Variants in PRKD1 observed in about 807,000 individuals in gnomAD.
The protein encoded by PRKD1 is protein kinase D1, also known as serine/threonine-protein kinase D1.
In PRKD1, 63 loss-of-function variants were observed where a neutral mutation model predicts 95.9. That is an observed-to-expected ratio of 0.66 (90% CI 0.54 to 0.81). PRKD1 has a LOEUF of 0.81. Ranked by LOEUF, PRKD1 falls within the 30% of genes least tolerant of loss-of-function variation. The pLI, the probability that PRKD1 is intolerant of heterozygous loss-of-function variation, is 0.00. For synonymous variants in PRKD1, 425 were observed against 423.1 expected (o/e 1.00, Z -0.05); for missense variants, 1,048 against 1,165.3 (o/e 0.90, Z 1.47).
intron 1 of PRKD1, among the ~76,000 whole-genome samples, chr14:29,808,619 C>T (rs1240816832): frequency 5.9e-5 from 9 of 151,708 alleles, no homozygotes; most frequent in Non-Finnish European, 1.0e-4. Flanking sequence ...AGGCTGATCT[C>T]GAACTCCTGA....
chr14:29,705,498 C>T (rs946427487), intron 2 of PRKD1, among the ~76,000 whole-genome samples: 4 of 151,400 alleles, frequency 2.6e-5, no homozygotes, highest in African/African-American at 9.7e-5. Flanking sequence ...ACATCCTATA[C>T]AATTAACCCA....
At chr14:29,591,397 A>T (rs564702933) in intron 16 of PRKD1, 1 of 152,292 alleles carries the variant, frequency 6.6e-6, no homozygotes, top group East Asian at 1.9e-4. Flanking sequence ...CAGAAACTGA[A>T]TTCAAAATTG....
At position 29,674,073 on chromosome 14, in the gene PRKD1, A is replaced by T. The variant is rs1883017812; in HGVS notation, c.404-7865T>A. 2.0e-5 allele frequency among the ~76,000 whole-genome samples: 3 copies of T among 152,190 alleles called. No individual in the cohort carries two copies. In the South Asian group the frequency reaches 6.2e-4, roughly 32 times the overall value. On this transcript the variant is annotated intron_variant, in intron 2 of 17. Transcript: ENST00000331968. ...CATACCGGTGGGAGCTGTCACAAAA[A>T]GTTTTTAGCACAAGGATGAAGTGTA...
chr14:29,640,393 T>C (rs985617405), intron 4 of PRKD1, among the ~76,000 whole-genome samples: 3 of 152,200 alleles, frequency 2.0e-5, no homozygotes, highest in Non-Finnish European at 4.4e-5. Flanking sequence ...AAGTGAAAAC[T>C]ATTATTTCCA....
At chr14:29,656,341 T>G in intron 4 of PRKD1, 1 of 978,042 alleles carries the variant, frequency 1.0e-6, no homozygotes, top group South Asian at 1.6e-5. Flanking sequence ...GGTCAATGTG[T>G]TGAATTTTGA....
intron 2 of PRKD1, among the ~76,000 whole-genome samples, chr14:29,678,848 A>G (rs1883375947): frequency 1.3e-5 from 2 of 152,250 alleles, no homozygotes; most frequent in South Asian, 4.1e-4. Flanking sequence ...ATTAGCACAC[A>G]TTTAACATGA....
At chr14:29,738,434 G>T (rs1052811365) in intron 1 of PRKD1, among the ~76,000 whole-genome samples, 1 of 152,168 alleles carries the variant, frequency 6.6e-6, no homozygotes, top group African/African-American at 2.4e-5. Flanking sequence ...CACCATCGAA[G>T]ATAGGGCTTT....
intron 2 of PRKD1, among the ~76,000 whole-genome samples, chr14:29,696,435 G>C (rs1165001584): frequency 2.0e-5 from 3 of 152,116 alleles, no homozygotes; most frequent in Non-Finnish European, 4.4e-5. Flanking sequence ...TTACAGACTA[G>C]AGCTGATTCC....
At chr14:29,826,836 TA>T (rs1891201620) in intron 1 of PRKD1, among the ~76,000 whole-genome samples, 1 of 22,622 alleles carries the variant, frequency 4.4e-5, no homozygotes, top group African/African-American at 1.6e-4. Context: ...TATATATATA[TA>T]TACACACATA....
chr14:29,616,327 T>C (rs1431276692), intron 13 of PRKD1, among the ~76,000 whole-genome samples: 1 of 149,060 alleles, frequency 6.7e-6, no homozygotes, highest in East Asian at 2.0e-4. Flanking sequence ...AGAGGGAAAT[T>C]TATAAACAAG....
At chr14:29,633,001 A>C in intron 8 of PRKD1, 55 bp from the exon 9 acceptor site, 2 of 1,457,576 alleles carry the variant, frequency 1.4e-6, no homozygotes, top group Non-Finnish European at 1.9e-6. Context: ...AATATCCCCA[A>C]TTGAAAACAT....
intron 10 of PRKD1, 129 bp downstream of exon 10, chr14:29,630,613 A>T (rs2139111022): frequency 8.3e-7 from 1 of 1,202,146 alleles, no homozygotes; most frequent in Non-Finnish European, 1.2e-6. Context: ...CCTACATTCT[A>T]CAATAAACTA....
intron 1 of PRKD1, among the ~76,000 whole-genome samples, chr14:29,925,600 G>A (rs1420877454): frequency 6.6e-6 from 1 of 152,024 alleles, no homozygotes; most frequent in Non-Finnish European, 1.5e-5. Flanking sequence ...CAAACCTCTT[G>A]AACTAGGCAT....
At chr14:29,785,696 T>C (rs1193591208) in intron 1 of PRKD1, among the ~76,000 whole-genome samples, 2 of 151,494 alleles carry the variant, frequency 1.3e-5, no homozygotes, top group African/African-American at 4.9e-5. Flanking sequence ...GGGGGAGGGA[T>C]AGCTTTAGGA....
At chr14:29,728,658 T>C (rs1037032106) in intron 1 of PRKD1, among the ~76,000 whole-genome samples, 1 of 152,210 alleles carries the variant, frequency 6.6e-6, no homozygotes, top group Non-Finnish European at 1.5e-5. Context: ...CTAGCATAAT[T>C]GTTTATCAGT....
At chr14:29,603,814 C>T (rs1217677721) in intron 13 of PRKD1, among the ~76,000 whole-genome samples, 1 of 152,122 alleles carries the variant, frequency 6.6e-6, no homozygotes, top group African/African-American at 2.4e-5. Flanking sequence ...AATTTCATGG[C>T]AGAGCAAGCT....
intron 16 of PRKD1, among the ~76,000 whole-genome samples, chr14:29,583,089 A>G (rs1892802325): frequency 6.6e-6 from 1 of 152,144 alleles, no homozygotes; most frequent in Admixed American, 6.5e-5. Context: ...CTCCACAAGG[A>G]GCTGGGGCCC....
Position 29,923,917 on chromosome 14 carries a change from T to C in PRKD1, c.264+3332A>G, listed in dbSNP as rs185970285. On this transcript the variant is annotated intron_variant, in intron 1 of 17. Transcript: ENST00000331968. ...AGCTCTTCCTCTGGAATTTTTTTCC[T>C]TGCTTTAAAACAATTCCTCCTCAGT... Among the ~76,000 whole-genome samples the C allele has an allele frequency of 2.9e-4, 44 of 152,236 alleles. 1 individual carries two copies. The highest frequency in any genetic ancestry group is 9.9e-4 in the African/African-American group (41 of 41,542).
intron 1 of PRKD1, among the ~76,000 whole-genome samples, chr14:29,746,531 T>TACACACAC (rs143019466): frequency 2.2e-3 from 322 of 149,462 alleles, no homozygotes; most frequent in African/African-American, 7.3e-3. Flanking sequence ...TGTACATATA[T>TACACACAC]ACACACACAC....
Sources: allele counts gnomAD v4.1 joint callset (sites outside exome capture counted in the v4.1 genomes callset), GRCh38; gene constraint gnomAD v4.1.1; transcripts MANE v1.5; gene names NCBI Gene and HGNC (gene_info 2026-07-23, HGNC 2026-07-21).